SUGCT: variants seen among roughly 807,000 people sequenced by gnomAD.
The protein encoded by SUGCT is succinyl-CoA:glutarate-CoA transferase.
SUGCT carries 41 observed loss-of-function variants against 55.0 expected under a neutral mutation model. The ratio of observed to expected loss-of-function variants is 0.74; its 90% CI spans 0.58 to 0.97. The LOEUF is 0.97. Among genes scored for constraint, SUGCT ranks in the 50% least tolerant of loss-of-function variants. The probability of loss-of-function intolerance (pLI) is 0.00; values close to 1 mark genes in which losing one functional copy is unlikely to be tolerated. For synonymous variants in SUGCT, 187 were observed against 200.4 expected (o/e 0.93, Z 0.56); for missense variants, 568 against 547.8 (o/e 1.04, Z -0.37).
the SUGCT span, among the ~76,000 whole-genome samples, chr7:40,888,332 A>T: frequency 6.6e-6 from 1 of 151,926 alleles, no homozygotes; most frequent in Non-Finnish European, 1.5e-5. Context: ...TCTACCACAA[A>T]AGGTAGAGAT....
intron 8 of SUGCT, among the ~76,000 whole-genome samples, chr7:40,279,544 T>C (rs936181441): frequency 1.3e-5 from 2 of 152,190 alleles, no homozygotes; most frequent in African/African-American, 4.8e-5. Context: ...AAAAATACTT[T>C]GTAAATCAGA....
At chr7:40,439,062 GTGTATATATATATA>G (rs1198014980) in intron 9 of SUGCT, among the ~76,000 whole-genome samples, 828 of 47,014 alleles carry the variant, frequency 0.018, 146 homozygotes, top group African/African-American at 0.045. Flanking sequence ...TATATATATG[GTGTATATATATATA>G]TATATATATA....
At chr7:40,799,469 G>A (rs1175282219) in intron 13 of SUGCT, among the ~76,000 whole-genome samples, 1 of 152,142 alleles carries the variant, frequency 6.6e-6, no homozygotes, top group East Asian at 1.9e-4. Context: ...CAGAAGAAAA[G>A]TGAGGCAGAG....
At chr7:41,017,800 G>A in the SUGCT span, among the ~76,000 whole-genome samples, 1 of 151,662 alleles carries the variant, frequency 6.6e-6, no homozygotes, top group Non-Finnish European at 1.5e-5. Context: ...GATTTCACTG[G>A]AGAGAACAGT....
At chr7:40,396,697 T>G (rs767655321) in intron 9 of SUGCT, among the ~76,000 whole-genome samples, 4 of 152,250 alleles carry the variant, frequency 2.6e-5, no homozygotes, top group African/African-American at 7.2e-5. Context: ...TTATTTATTT[T>G]GGCTAATTTC....
chr7:40,609,426 GC>G (rs1562897528), intron 12 of SUGCT, among the ~76,000 whole-genome samples: 1 of 151,820 alleles, frequency 6.6e-6, no homozygotes, highest in African/African-American at 2.4e-5. Flanking sequence ...AATTAGCCGG[GC>G]GTGGTGGCGG....
At chr7:40,266,382 C>T (rs1288611010) in intron 7 of SUGCT, among the ~76,000 whole-genome samples, 1 of 151,582 alleles carries the variant, frequency 6.6e-6, no homozygotes, top group African/African-American at 2.4e-5. Context: ...CTCCTGACCT[C>T]GGGTGATCTG....
chr7:40,215,935 G>A (rs1209206285), intron 6 of SUGCT, among the ~76,000 whole-genome samples: 1 of 152,010 alleles, frequency 6.6e-6, no homozygotes, highest in East Asian at 1.9e-4. Flanking sequence ...GAACTTCTAT[G>A]GCATGAATGG....
chr7:40,416,512 A>G (rs1420275614), intron 9 of SUGCT, among the ~76,000 whole-genome samples: 2 of 151,914 alleles, frequency 1.3e-5, no homozygotes, highest in Non-Finnish European at 2.9e-5. Flanking sequence ...TACTTTTAGT[A>G]CCATTTATGA....
intron 9 of SUGCT, among the ~76,000 whole-genome samples, chr7:40,346,220 T>C (rs565698490): frequency 3.9e-4 from 60 of 152,244 alleles, no homozygotes; most frequent in Middle Eastern, 3.4e-3. Flanking sequence ...TTTTCAAGTT[T>C]AAAAATTATA....
intron 7 of SUGCT, among the ~76,000 whole-genome samples, chr7:40,265,025 A>G (rs185013618): frequency 1.3e-3 from 204 of 152,368 alleles, no homozygotes; most frequent in African/African-American, 4.8e-3. Flanking sequence ...CAACTGAGAA[A>G]AAAACTAAGA....
intron 13 of SUGCT, among the ~76,000 whole-genome samples, chr7:40,828,088 G>C (rs965626884): frequency 1.3e-5 from 2 of 152,122 alleles, no homozygotes; most frequent in African/African-American, 4.8e-5. Flanking sequence ...TTGCCTGTTC[G>C]GTGAAGGCTC....
the SUGCT span, among the ~76,000 whole-genome samples, chr7:40,871,002 G>A: frequency 6.6e-6 from 1 of 152,162 alleles, no homozygotes; most frequent in East Asian, 1.9e-4. Flanking sequence ...GGATCATGTT[G>A]TATTTTTCCT....
At chr7:40,135,258 C>A in intron 1 of SUGCT, 138 bp downstream of exon 1, 1 of 1,132,944 alleles carries the variant, frequency 8.8e-7, no homozygotes, top group Non-Finnish European at 1.2e-6. Context: ...TCCCTGCAAC[C>A]CCGTTCCGTG....
chr7:40,902,911 G>C, the SUGCT span, among the ~76,000 whole-genome samples: 46 of 152,132 alleles, frequency 3.0e-4, 1 homozygote, highest in South Asian at 8.9e-3. Context: ...AACACCATAG[G>C]CAATGAATTT....
chr7:40,279,720 A>C (rs572697510), intron 8 of SUGCT, among the ~76,000 whole-genome samples: 2 of 152,198 alleles, frequency 1.3e-5, no homozygotes, highest in South Asian at 4.1e-4. Flanking sequence ...CTTTCAATTT[A>C]AGATAACACT....
At position 40,819,901 on chromosome 7, in the gene SUGCT, T is replaced by G. The variant is rs530533360; in HGVS notation, c.1154-40415T>G. ...GTTTTTATGGTTTTAGGTCTAACAT[T>G]TAAGTCTTTAATCTATCTTGAATTA... On this transcript the variant is annotated intron_variant, in intron 13 of 13. Transcript: ENST00000335693. 1.8e-4 allele frequency among the ~76,000 whole-genome samples: 28 copies of G among 152,318 alleles called. 1 individual carries two copies. The East Asian group carries it at 5.2e-3, about 28-fold the overall frequency.
At chr7:40,225,194 T>C (rs181169577) in intron 6 of SUGCT, among the ~76,000 whole-genome samples, 15 of 152,322 alleles carry the variant, frequency 9.8e-5, no homozygotes, top group Non-Finnish European at 1.9e-4. Flanking sequence ...TAAACATTTT[T>C]CTTTTTTTGT....
At position 40,135,112 on chromosome 7, in the gene SUGCT, C is replaced by G. The variant is rs370031397; in HGVS notation, c.92C>G (p.Pro31Arg). The stretch of plus-strand genomic sequence containing the variant: ...GGGAGGGGGCTGTGGACTGGCCGCC[C>G]GCAGTCAGGTACCCTCCGAGATTCG... ...GGGRGLWTGRPQSDMNNIKPL... is the reference protein window; with the variant it reads ...GGGRGLWTGRRQSDMNNIKPL... Residue 31 changes from proline to arginine, a missense_variant, in exon 1 of 14, where the codon CCG becomes CGG. By Grantham distance (103) the Pro-to-Arg change is moderately radical. Coordinates refer to ENST00000335693, the MANE Select transcript of SUGCT (RefSeq NM_001193313.2). 5.8e-6 allele frequency: 9 copies of G among 1,554,704 alleles called. No individual in the cohort carries two copies. The highest frequency in any genetic ancestry group is 1.9e-5 in the Admixed American group (1 of 51,794).
Sources: allele counts gnomAD v4.1 joint callset (sites outside exome capture counted in the v4.1 genomes callset), GRCh38; gene constraint gnomAD v4.1.1; transcripts MANE v1.5; gene names NCBI Gene and HGNC (gene_info 2026-07-23, HGNC 2026-07-21).